HRH2: variants seen among roughly 807,000 people sequenced by gnomAD.
HRH2 encodes histamine H2 receptor.
Under a neutral mutation model 20.1 loss-of-function variants are expected in HRH2, and 4 were observed. The observed-to-expected ratio is 0.20, with a 90% CI of 0.10 to 0.45. HRH2 has a LOEUF of 0.45. Ranked by LOEUF, HRH2 falls within the 20% of genes least tolerant of loss-of-function variation. The pLI is 0.99. For synonymous variants in HRH2, 197 were observed against 200.7 expected (o/e 0.98, Z 0.16); for missense variants, 250 against 461.6 (o/e 0.54, Z 4.20).
chr5:175,662,548 A>C (rs1201685718), intron 1 of HRH2, among the ~76,000 whole-genome samples: 1 of 152,212 alleles, frequency 6.6e-6, no homozygotes, highest in East Asian at 1.9e-4. Flanking sequence ...CCTTCAAAGC[A>C]CTGGTCCTTT....
At chr5:175,685,328 G>A in intron 2 of HRH2, 1 of 1,356,020 alleles carries the variant, frequency 7.4e-7, no homozygotes, top group Non-Finnish European at 1.0e-6. Flanking sequence ...CTGCTGAAAA[G>A]AGCAAATGAA....
rs1757049799 is a variant in HRH2 at position 175,710,112 on chromosome 5, A to G, written c.*2141A>G. On this transcript the variant is annotated 3_prime_UTR_variant, in exon 3 of 3. Coordinates refer to ENST00000636584, the MANE Select transcript of HRH2 (RefSeq NM_001367711.1). ...CCAGGCCCCCTGCCACACCCCTCAG[A>G]GCTCTCCTTGGAAGGCACTGGCATG... 6.6e-6 allele frequency: 1 copy of G among 152,300 alleles called. No homozygotes were observed. Among genetic ancestry groups the G allele is most frequent in the Admixed American group, 6.5e-5 (1 of 15,274 alleles). The allele number at this position is 152,300 out of a possible 1,614,324, so 9.4% of individuals were successfully genotyped here.
intron 2 of HRH2, among the ~76,000 whole-genome samples, chr5:175,688,196 G>A (rs1196836227): frequency 6.6e-6 from 1 of 152,160 alleles, no homozygotes; most frequent in Non-Finnish European, 1.5e-5. Context: ...TGCTACTCTC[G>A]AGCCTCAGCT....
chr5:175,703,327 G>A (rs1038718193), intron 2 of HRH2, among the ~76,000 whole-genome samples: 2 of 151,996 alleles, frequency 1.3e-5, no homozygotes, highest in African/African-American at 4.8e-5. Context: ...ATAGATCATG[G>A]GATGAAGAAA....
Position 175,700,933 on chromosome 5 carries a change from G to T in HRH2, c.1077-6846G>T, listed in dbSNP as rs13163632. On this transcript the variant is annotated intron_variant, in intron 2 of 2. Transcript: ENST00000636584. ...AAAACAGGATAAATTGACCAGCAAA[G>T]AAGAAAATACAGGAATTTAAAGCAG... Among the ~76,000 whole-genome samples the T allele has an allele frequency of 5.6e-3, 848 of 152,226 alleles. 7 individuals are homozygous for T. The highest frequency in any genetic ancestry group is 0.037 in the Middle Eastern group (11 of 294).
intron 1 of HRH2, among the ~76,000 whole-genome samples, chr5:175,659,800 C>T (rs1762681523): frequency 6.6e-6 from 1 of 152,170 alleles, no homozygotes; most frequent in Admixed American, 6.5e-5. Flanking sequence ...AGGACTGCTA[C>T]AAAGCACTGG....
At chr5:175,707,065 T>C (rs754960514) in intron 2 of HRH2, among the ~76,000 whole-genome samples, 8 of 152,222 alleles carry the variant, frequency 5.3e-5, no homozygotes, top group African/African-American at 1.4e-4. Flanking sequence ...GGGCTCCTAC[T>C]ACCAGACAGC....
At chr5:175,675,991 G>A (rs1755743512) in intron 1 of HRH2, among the ~76,000 whole-genome samples, 2 of 152,240 alleles carry the variant, frequency 1.3e-5, no homozygotes, top group African/African-American at 2.4e-5. Context: ...AACATGTGTA[G>A]ATGCGTGGGT....
intron 2 of HRH2, among the ~76,000 whole-genome samples, chr5:175,700,125 TCC>T (rs1756750546): frequency 6.6e-6 from 1 of 152,178 alleles, no homozygotes; most frequent in Admixed American, 6.5e-5. Context: ...TCACACCTCC[TCC>T]TATTCACTCC....
intron 2 of HRH2, among the ~76,000 whole-genome samples, chr5:175,701,296 AT>A (rs1357080471): frequency 6.6e-6 from 1 of 152,198 alleles, no homozygotes; most frequent in Non-Finnish European, 1.5e-5. Flanking sequence ...TAGGAATATG[AT>A]TAGTCTGAGC....
At chr5:175,662,745 G>A (rs1762775122) in intron 1 of HRH2, among the ~76,000 whole-genome samples, 1 of 152,128 alleles carries the variant, frequency 6.6e-6, no homozygotes, top group African/African-American at 2.4e-5. Flanking sequence ...ACACAGAGTT[G>A]TGCAGCCATC....
intron 1 of HRH2, among the ~76,000 whole-genome samples, chr5:175,658,840 G>A (rs1308410039): frequency 6.6e-6 from 1 of 152,138 alleles, no homozygotes; most frequent in East Asian, 1.9e-4. Flanking sequence ...ATCCCAATCT[G>A]GGCAGTGACC....
chr5:175,676,825 A>C (rs924196928), intron 1 of HRH2, among the ~76,000 whole-genome samples: 2 of 152,190 alleles, frequency 1.3e-5, no homozygotes, highest in African/African-American at 4.8e-5. Context: ...AGAACGTGCA[A>C]TATTTGACTC....
At chr5:175,679,947 TC>T (rs1287348059) in intron 1 of HRH2, among the ~76,000 whole-genome samples, 1 of 152,206 alleles carries the variant, frequency 6.6e-6, no homozygotes, top group Non-Finnish European at 1.5e-5. Flanking sequence ...GGGTGTGACA[TC>T]ACCTGGCCTC....
rs1272448027 is a variant in HRH2, at chr5:175,682,846, G to A, written c.-388G>A. 11 of 209,438 alleles carry A rather than the reference G, an allele frequency of 5.3e-5. No homozygotes were observed. The highest frequency in any genetic ancestry group is 9.0e-5 in the South Asian group (1 of 11,086). 13.0% of individuals were successfully genotyped at this position (209,438 alleles called of 1,614,324 possible). The stretch of plus-strand genomic sequence containing the variant: ...CATCCTGCATGACACCAAAGCCACC[G>A]CCAGACAGTGCCTCGGATTCTATGC... On this transcript the variant is annotated 5_prime_UTR_variant, in exon 2 of 3. Transcript: ENST00000636584.
rs35616765 is a variant in HRH2, at chr5:175,683,091, CA to C, written c.-122del. 0.059 allele frequency: 33,920 copies of C among 575,398 alleles called. No individual in the cohort carries two copies. The highest frequency in any genetic ancestry group is 0.067 in the South Asian group (2,626 of 39,332). The allele number at this position is 575,398 out of a possible 1,614,324, so 35.6% of individuals were successfully genotyped here. On this transcript the variant is annotated 5_prime_UTR_variant, in exon 2 of 3. Transcript: ENST00000636584. ...ATTGAAGCCTTCCCCACCCCCTGGC[CA>C]AAAAAAAAAAAAAAAAAAAACTGGA...
At position 175,694,334 on chromosome 5, in the gene HRH2, G is replaced by A. The variant is rs1756491634; in HGVS notation, c.1076+10025G>A. Among the ~76,000 whole-genome samples the A allele has an allele frequency of 3.9e-5, 6 of 152,234 alleles. No individual in the cohort carries two copies. In the South Asian group the frequency reaches 1.2e-3, roughly 32 times the overall value. On this transcript the variant is annotated intron_variant, in intron 2 of 2. Transcript: ENST00000636584. Reference sequence around the variant, plus strand: ...ACAGGCTTCTCTCCCCTCCCCACCTGCATCCCCCCAGTGTAAGTCCCCGGA... The same window carrying A: ...ACAGGCTTCTCTCCCCTCCCCACCTACATCCCCCCAGTGTAAGTCCCCGGA...
chr5:175,663,939 G>C (rs1462419940), intron 1 of HRH2, among the ~76,000 whole-genome samples: 2 of 152,218 alleles, frequency 1.3e-5, no homozygotes, highest in African/African-American at 4.8e-5. Flanking sequence ...TGATTGCAAA[G>C]GGCCTTTCCA....
rs1299944925 is a variant in HRH2 at position 175,683,464 on chromosome 5, C to T, written c.231C>T (p.Ile77=). The T allele has an allele frequency of 6.2e-7, 1 of 1,614,108 alleles. No individual in the cohort carries two copies. The highest frequency in any genetic ancestry group is 1.3e-5 in the African/African-American group (1 of 74,942). Residue 77 remains isoleucine, a synonymous_variant, in exon 2 of 3, where the codon ATC becomes ATT. Coordinates refer to ENST00000636584, the MANE Select transcript of HRH2 (RefSeq NM_001367711.1). ...LGLLVLPFSA[I]YQLSCKWSFG... is the part of the protein sequence containing the mutation. ...TCCTGGTGCTGCCCTTCTCTGCCAT[C>T]TACCAGCTGTCCTGCAAGTGGAGCT...
Sources: allele counts gnomAD v4.1 joint callset (sites outside exome capture counted in the v4.1 genomes callset), GRCh38; gene constraint gnomAD v4.1.1; transcripts MANE v1.5; gene names NCBI Gene and HGNC (gene_info 2026-07-23, HGNC 2026-07-21).